The following DPH6 variants were observed in gnomAD, a reference collection of about 807,000 sequenced individuals.
DPH6 encodes diphthine--ammonia ligase.
Under a neutral mutation model 38.2 loss-of-function variants are expected in DPH6, and 33 were observed. The ratio of observed to expected loss-of-function variants is 0.86; its 90% CI spans 0.65 to 1.15. The LOEUF (loss-of-function observed/expected upper bound fraction) is 1.15, where lower values mean the gene tolerates loss of function less well. DPH6 is among the 50% of genes most tolerant of loss of function. The pLI is 0.00. For synonymous variants in DPH6, 108 were observed against 103.0 expected (o/e 1.05, Z -0.30); for missense variants, 325 against 320.0 (o/e 1.02, Z -0.12).
intron 3 of DPH6, among the ~76,000 whole-genome samples, chr15:35,495,459 C>A: frequency 6.6e-6 from 1 of 152,108 alleles, no homozygotes; most frequent in East Asian, 1.9e-4. Context: ...GTTTGTGGTA[C>A]TTTGTTATGG....
exon 4 of DPH6, chr15:35,220,039 G>A (rs1424218978): frequency 6.6e-6 from 1 of 152,116 alleles, no homozygotes; most frequent in Non-Finnish European, 1.5e-5. Flanking sequence ...TACCCACAAT[G>A]ACTTTGTTAC....
chr15:35,266,745 A>C (rs2051785999), intron 3 of DPH6, among the ~76,000 whole-genome samples: 1 of 152,228 alleles, frequency 6.6e-6, no homozygotes, highest in Non-Finnish European at 1.5e-5. Context: ...TTATTTAATC[A>C]ACCAATAATC....
intron 3 of DPH6, among the ~76,000 whole-genome samples, chr15:35,239,458 C>T (rs935747104): frequency 1.4e-5 from 2 of 144,306 alleles, no homozygotes; most frequent in African/African-American, 2.5e-5. Flanking sequence ...TATACACCCA[C>T]GTTTCAAGGG....
intron 3 of DPH6, among the ~76,000 whole-genome samples, chr15:35,483,551 C>T (rs1482849902): frequency 6.6e-6 from 1 of 150,586 alleles, no homozygotes; most frequent in Non-Finnish European, 1.5e-5. Flanking sequence ...AAAAGGTAGA[C>T]AATAACGAAT....
At chr15:35,280,398 T>C (rs2051889951) in intron 3 of DPH6, among the ~76,000 whole-genome samples, 1 of 152,214 alleles carries the variant, frequency 6.6e-6, no homozygotes, top group African/African-American at 2.4e-5. Flanking sequence ...AAATCACTTG[T>C]AGCTCATGAC....
chr15:35,500,429 T>C (rs1220433912), intron 3 of DPH6, among the ~76,000 whole-genome samples: 1 of 152,214 alleles, frequency 6.6e-6, no homozygotes, highest in Non-Finnish European at 1.5e-5. Flanking sequence ...CAGAACTGCA[T>C]CTGCCTGGTG....
intron 6 of DPH6, among the ~76,000 whole-genome samples, chr15:35,382,131 C>A (rs1312779351): frequency 6.6e-6 from 1 of 152,088 alleles, no homozygotes; most frequent in Non-Finnish European, 1.5e-5. Context: ...TGCCAAAACT[C>A]TTAAAAAAAA....
At chr15:35,403,829 T>C (rs1595534514) in intron 6 of DPH6, among the ~76,000 whole-genome samples, 1 of 151,976 alleles carries the variant, frequency 6.6e-6, no homozygotes, top group Non-Finnish European at 1.5e-5. Flanking sequence ...TTCCTTTTTT[T>C]TTTTTTTTGT....
intron 3 of DPH6, among the ~76,000 whole-genome samples, chr15:35,322,140 T>C (rs974996638): frequency 1.3e-5 from 2 of 152,092 alleles, no homozygotes; most frequent in African/African-American, 4.8e-5. Context: ...TAAAAACCAA[T>C]CTTAGCTTCT....
intron 3 of DPH6, among the ~76,000 whole-genome samples, chr15:35,512,727 TAA>T (rs200680026): frequency 6.6e-6 from 1 of 151,998 alleles, no homozygotes; most frequent in Admixed American, 6.6e-5. Context: ...TCAGATACAT[TAA>T]AAAAAGACTT....
At chr15:35,399,125 G>A (rs1294135231) in intron 6 of DPH6, among the ~76,000 whole-genome samples, 2 of 152,044 alleles carry the variant, frequency 1.3e-5, no homozygotes, top group Non-Finnish European at 2.9e-5. Flanking sequence ...ATGAAAGTTA[G>A]AGACCAAAAC....
intron 6 of DPH6, chr15:35,400,652 C>T (rs546383292): frequency 3.4e-5 from 20 of 584,510 alleles, no homozygotes; most frequent in African/African-American, 7.4e-5. Context: ...TGGATGCCAC[C>T]GAGGAAGCAT....
chr15:35,520,769 A>G (rs1193820339), intron 3 of DPH6: 1 of 984,638 alleles, frequency 1.0e-6, no homozygotes, highest in Admixed American at 6.2e-5. Flanking sequence ...TGAAAAAAAA[A>G]TCCTCCATTA....
chr15:35,402,719 A>G (rs569828808), intron 6 of DPH6, among the ~76,000 whole-genome samples: 27 of 152,204 alleles, frequency 1.8e-4, no homozygotes, highest in African/African-American at 6.5e-4. Flanking sequence ...TATTTCATGG[A>G]GTAGTTAGTG....
chr15:35,435,565 C>G (rs1022358652), intron 5 of DPH6, among the ~76,000 whole-genome samples: 2 of 152,044 alleles, frequency 1.3e-5, no homozygotes, highest in African/African-American at 4.8e-5. Context: ...TGTGTGGTGG[C>G]CTGGTATTCA....
intron 7 of DPH6, among the ~76,000 whole-genome samples, chr15:35,379,665 T>C (rs1276624110): frequency 1.3e-5 from 2 of 152,140 alleles, no homozygotes; most frequent in East Asian, 3.9e-4. Flanking sequence ...GGAGGGGAGA[T>C]TTTGTTTATA....
At chr15:35,493,819 C>T (rs544106320) in intron 3 of DPH6, among the ~76,000 whole-genome samples, 18 of 152,182 alleles carry the variant, frequency 1.2e-4, no homozygotes, top group East Asian at 3.9e-4. Context: ...AGCATATAAA[C>T]GGGCAAATAA....
chr15:35,493,631 CCT>C (rs1177778122), intron 3 of DPH6, among the ~76,000 whole-genome samples: 1 of 152,046 alleles, frequency 6.6e-6, no homozygotes, highest in African/African-American at 2.4e-5. Flanking sequence ...AAAGAATTCA[CCT>C]CTGTTTATTA....
At chr15:35,377,348 C>A (rs1327530649) in intron 7 of DPH6, among the ~76,000 whole-genome samples, 1 of 151,978 alleles carries the variant, frequency 6.6e-6, no homozygotes, top group East Asian at 1.9e-4. Context: ...TCCATCCATC[C>A]ATCATCTATC....
Sources: gnomAD v4.1 joint callset for allele counts (sites outside exome capture counted in the v4.1 genomes callset) on GRCh38, gnomAD v4.1.1 for gene constraint, MANE v1.5 for transcripts, NCBI Gene and HGNC (gene_info 2026-07-23, HGNC 2026-07-21) for gene names.